ZNF732: variants seen among roughly 807,000 people sequenced by gnomAD.
ZNF732 encodes the protein zinc finger protein LOC654254.
Under a neutral mutation model 11.5 loss-of-function variants are expected in ZNF732, and 12 were observed. The observed-to-expected ratio is 1.05, with a 90% CI of 0.67 to 1.70. ZNF732 has a LOEUF of 1.70. Ranked by LOEUF, ZNF732 falls within the 40% of genes most tolerant of loss-of-function variation. ZNF732 has a pLI of 0.00. For synonymous variants in ZNF732, 231 were observed against 236.5 expected, an observed-to-expected ratio of 0.98 and a Z score of 0.21; for missense variants, 702 against 676.9, an observed-to-expected ratio of 1.04 and a Z score of -0.41.
At chr4:273,396 T>C (rs1268546793) in intron 3 of ZNF732, among the ~76,000 whole-genome samples, 3 of 151,992 alleles carry the variant, frequency 2.0e-5, no homozygotes, top group African/African-American at 7.2e-5. Context: ...TTATAATGTA[T>C]ACAAAATATT....
chr4:290,035 C>T (rs1397425761), intron 3 of ZNF732, among the ~76,000 whole-genome samples: 1 of 152,180 alleles, frequency 6.6e-6, no homozygotes, highest in Non-Finnish European at 1.5e-5. Flanking sequence ...AATATCTTGT[C>T]AGATGCTACA....
At chr4:279,297 T>G (rs1472048215) in intron 3 of ZNF732, among the ~76,000 whole-genome samples, 1 of 151,696 alleles carries the variant, frequency 6.6e-6, no homozygotes, top group Non-Finnish European at 1.5e-5. Context: ...ACAAAAAAAA[T>G]TAGCTGGGCG....
chr4:274,419 A>C (rs1719451873), intron 3 of ZNF732, among the ~76,000 whole-genome samples: 1 of 151,742 alleles, frequency 6.6e-6, no homozygotes, highest in Admixed American at 6.6e-5. Context: ...AAGGTGTATC[A>C]ATACAAAAAT....
intron 1 of ZNF732, among the ~76,000 whole-genome samples, chr4:299,367 A>G (rs1720032308): frequency 9.2e-6 from 1 of 108,140 alleles, no homozygotes; most frequent in African/African-American, 3.1e-5. Flanking sequence ...ATATACACAT[A>G]TGTGTATATA....
chr4:281,306 C>T (rs1719615099), intron 3 of ZNF732, among the ~76,000 whole-genome samples: 1 of 152,180 alleles, frequency 6.6e-6, no homozygotes, highest in Non-Finnish European at 1.5e-5. Flanking sequence ...TATCCTGAAG[C>T]AGCCGCATGA....
At chr4:287,262 T>C (rs1234744123) in intron 3 of ZNF732, among the ~76,000 whole-genome samples, 4 of 151,720 alleles carry the variant, frequency 2.6e-5, no homozygotes, top group African/African-American at 9.7e-5. Flanking sequence ...TTGCCCAGAC[T>C]GTAGTGCAAT....
chr4:289,145 C>T (rs1553841023), intron 3 of ZNF732, among the ~76,000 whole-genome samples: 1 of 152,176 alleles, frequency 6.6e-6, no homozygotes, highest in African/African-American at 2.4e-5. Context: ...GAAGAAGCTG[C>T]TTTTAGAAAA....
rs1553837695 is a variant in ZNF732 at position 271,971 on chromosome 4, G to T, written c.886C>A (p.His296Asn). 2 of 1,607,016 alleles carry T rather than the reference G, an allele frequency of 1.2e-6. No individual in the cohort carries two copies. The highest frequency in any genetic ancestry group is 2.7e-5 in the African/African-American group (2 of 74,592). The change falls in exon 4 of 4, where the codon CAT (histidine) becomes AAT (asparagine). Residue 296 changes from histidine (H) to asparagine (N), a missense_variant. This residue lies in a region of ZNF732 where 596 missense variants were observed against 557.9 expected (regional missense o/e 1.07). Transcript: ENST00000419098. ...IITSSSNVAK[H>N]KKIHTGEKLY... The stretch of plus-strand genomic sequence containing the variant: ...TTCTCTCCGGTATGAATTTTCTTAT[G>T]TTTGGCAACATTTGAGGATGAGGTA...
intron 3 of ZNF732, among the ~76,000 whole-genome samples, chr4:295,046 A>G (rs1719915390): frequency 6.6e-6 from 1 of 152,220 alleles, no homozygotes; most frequent in African/African-American, 2.4e-5. Flanking sequence ...AAATTCCAAT[A>G]TGTCCACTAC....
intron 3 of ZNF732, among the ~76,000 whole-genome samples, chr4:273,848 G>C (rs1401596173): frequency 4.0e-5 from 6 of 151,088 alleles, no homozygotes; most frequent in Non-Finnish European, 7.4e-5. Context: ...GAAAGAATTG[G>C]GATATTGTTA....
At chr4:286,201 T>C (rs189460491) in intron 3 of ZNF732, among the ~76,000 whole-genome samples, 4 of 152,278 alleles carry the variant, frequency 2.6e-5, no homozygotes, top group Admixed American at 1.3e-4. Context: ...TGCTCAAGAA[T>C]TGTCAAAAAG....
At chr4:305,163 G>C (rs1205352239) in intron 1 of ZNF732, 145 bp downstream of exon 1, 1 of 1,110,966 alleles carries the variant, frequency 9.0e-7, no homozygotes, top group African/African-American at 1.6e-5. Context: ...ACATGAACCC[G>C]GGTCCCTCAC....
At chr4:273,152 C>G (rs2108651729) in intron 3 of ZNF732, among the ~76,000 whole-genome samples, 1 of 152,114 alleles carries the variant, frequency 6.6e-6, no homozygotes, top group South Asian at 2.1e-4. Flanking sequence ...GACTGAAGTG[C>G]TAAATACAGA....
At chr4:291,717 C>A (rs1719845671) in intron 3 of ZNF732, among the ~76,000 whole-genome samples, 1 of 152,146 alleles carries the variant, frequency 6.6e-6, no homozygotes, top group Non-Finnish European at 1.5e-5. Context: ...ATAGTAAACA[C>A]AATTGTAAAA....
chr4:284,055 C>T (rs1719675141), intron 3 of ZNF732, among the ~76,000 whole-genome samples: 1 of 152,004 alleles, frequency 6.6e-6, no homozygotes, highest in South Asian at 2.1e-4. Context: ...GGACTACAGG[C>T]ACCCGCCACC....
In ZNF732 at chr4:272,435, A is replaced by T; in HGVS notation, c.422T>A (p.Phe141Tyr). 1.3e-6 allele frequency: 2 copies of T among 1,599,278 alleles called. No individual in the cohort carries two copies. The highest frequency in any genetic ancestry group is 1.7e-6 in the Non-Finnish European group (2 of 1,171,740). Residue 141 changes from phenylalanine to tyrosine, a missense_variant, in exon 4 of 4, where the codon TTT (phenylalanine) becomes TAT (tyrosine). Transcript: ENST00000419098. ...QCLSTIQSKI[F>Y]QCNVHVKVFS... ...TACTTTGACATGTACATTACACTGA[A>T]ATATTTTGCTCTGGATAGTTGACAA...
chr4:293,370 C>T (rs973004871), intron 3 of ZNF732, among the ~76,000 whole-genome samples: 1 of 149,568 alleles, frequency 6.7e-6, no homozygotes, highest in East Asian at 2.0e-4. Context: ...AAAAGGAAAT[C>T]TAGCCATTTA....
chr4:287,840 A>G (rs1347794880), intron 3 of ZNF732, among the ~76,000 whole-genome samples: 5 of 152,016 alleles, frequency 3.3e-5, no homozygotes, highest in African/African-American at 1.2e-4. Flanking sequence ...TAATAACTGC[A>G]TTTTTAGTTT....
At chr4:305,162 C>T (rs1250683527) in intron 1 of ZNF732, 146 bp downstream of exon 1, 1 of 1,112,228 alleles carries the variant, frequency 9.0e-7, no homozygotes. Flanking sequence ...GACATGAACC[C>T]GGGTCCCTCA....
Sources: gnomAD v4.1 joint callset for allele counts (sites outside exome capture counted in the v4.1 genomes callset) on GRCh38, gnomAD v4.1.1 for gene constraint, gnomAD v4.1.1 regional missense constraint, MANE v1.5 for transcripts, NCBI Gene and HGNC (gene_info 2026-07-23, HGNC 2026-07-21) for gene names.